The following ADGRE3 variants were observed in gnomAD, a reference collection of about 807,000 sequenced individuals.
ADGRE3 encodes EGF-like module receptor 3.
ADGRE3 carries 88 observed loss-of-function variants against 80.1 expected under a neutral mutation model. The ratio of observed to expected loss-of-function variants is 1.10; its 90% CI spans 0.93 to 1.31. The LOEUF is 1.31. Ranked by LOEUF, ADGRE3 falls within the 40% of genes most tolerant of loss-of-function variation. The pLI, the probability that ADGRE3 is intolerant of heterozygous loss-of-function variation, is 0.00. For missense variants in ADGRE3, 715 were observed against 776.5 expected (o/e 0.92, Z 0.94); for synonymous variants, 281 against 294.8 (o/e 0.95, Z 0.48).
At chr19:14,660,266 A>T (rs2146890440) in intron 4 of ADGRE3, among the ~76,000 whole-genome samples, 1 of 152,338 alleles carries the variant, frequency 6.6e-6, no homozygotes, top group South Asian at 2.1e-4. Flanking sequence ...AGAGATTAAC[A>T]TCAGAACCCA....
At chr19:14,660,007 C>T (rs933747012) in intron 4 of ADGRE3, among the ~76,000 whole-genome samples, 3 of 151,958 alleles carry the variant, frequency 2.0e-5, no homozygotes, top group Non-Finnish European at 4.4e-5. Context: ...AGTTCAAGAA[C>T]TTTGACTTAC....
rs1245561922 is a variant in ADGRE3 at position 14,663,446 on chromosome 19, T to G, written c.171A>C (p.Leu57=). The G allele has an allele frequency of 6.2e-7, 1 of 1,610,282 alleles. No homozygotes were observed. Among genetic ancestry groups the G allele is most frequent in the African/African-American group, 1.3e-5 (1 of 74,970 alleles). The part of the protein sequence containing the change: ...HGYTSGSGQK[L]FTFPLETCND... Reference sequence around the variant, plus strand: ...TACATGTCTCCAAGGGGAATGTGAATAGTTTCTGCCCAGATCCAGAAGTAT... The same window carrying G: ...TACATGTCTCCAAGGGGAATGTGAAGAGTTTCTGCCCAGATCCAGAAGTAT... Residue 57 remains leucine, a synonymous_variant, in exon 3 of 16, where the codon CTA becomes CTC. Transcript: ENST00000253673.
At chr19:14,641,685 G>T (rs1971255655) in intron 9 of ADGRE3, 69 bp from the exon 10 acceptor site, 1 of 1,566,854 alleles carries the variant, frequency 6.4e-7, no homozygotes, top group Admixed American at 1.9e-5. Flanking sequence ...TCCTTGAACT[G>T]GGGCATCCTA....
At chr19:14,603,999 C>A in the ADGRE3 span, among the ~76,000 whole-genome samples, 40,859 of 152,016 alleles carry the variant, frequency 0.27, 5,707 homozygotes, top group South Asian at 0.31. Context: ...CCTGAGGCAT[C>A]CCACTCTTCC....
Position 14,651,065 on chromosome 19 carries a change from A to G in ADGRE3, c.697+20T>C, listed in dbSNP as rs2146867859. 2 of 1,613,790 alleles carry G rather than the reference A, an allele frequency of 1.2e-6. No individual in the cohort carries two copies. The highest frequency in any genetic ancestry group is 2.2e-5 in the South Asian group (2 of 91,028). On this transcript the variant is annotated intron_variant, in intron 7 of 15. Transcript: ENST00000253673. Reference sequence around the variant, plus strand: ...ACATGGCTCTGTGTGAAGGATTCTGAATGCAGCCATCAGGCATACCTTGTG... The same window carrying G: ...ACATGGCTCTGTGTGAAGGATTCTGGATGCAGCCATCAGGCATACCTTGTG...
At position 14,636,145 on chromosome 19, in the gene ADGRE3, T is replaced by TCTTTCTTC. The variant is rs1971070616; in HGVS notation, c.1484+1952_1484+1959dup. Among the ~76,000 whole-genome samples, 21 of 22,290 alleles carry TCTTTCTTC rather than the reference T, an allele frequency of 9.4e-4. 2 individuals carry two copies. The highest frequency in any genetic ancestry group is 2.3e-3 in the African/African-American group (19 of 8,212). The allele number at this position is 22,290 out of a possible 152,430, so 14.6% of individuals were successfully genotyped here. On this transcript the variant is annotated intron_variant, in intron 11 of 15. Coordinates refer to ENST00000253673, the MANE Select transcript of ADGRE3 (RefSeq NM_032571.5). ...TTCTTTCTTTCTTTCTTTCTTTCTT[T>TCTTTCTTC]CTTTCTTCCTTTCCTCCTTTCCTTT...
intron 1 of ADGRE3, among the ~76,000 whole-genome samples, chr19:14,671,382 C>T (rs535307713): frequency 7.0e-4 from 107 of 152,190 alleles, no homozygotes; most frequent in African/African-American, 2.0e-3. Context: ...TCTTGGCTCA[C>T]GGACCCTTCC....
intron 9 of ADGRE3, among the ~76,000 whole-genome samples, 180 bp from the exon 10 acceptor site, chr19:14,641,796 C>T (rs8102999): frequency 0.74 from 113,206 of 152,086 alleles, 42,368 homozygotes; most frequent in East Asian, 0.83. Flanking sequence ...AGATGGCTAA[C>T]GTAGATTGTT....
intron 10 of ADGRE3, among the ~76,000 whole-genome samples, chr19:14,639,886 T>A (rs1252294651): frequency 6.6e-6 from 1 of 152,200 alleles, no homozygotes; most frequent in Non-Finnish European, 1.5e-5. Flanking sequence ...ATAGAATATA[T>A]TGTTATTGAC....
intron 7 of ADGRE3, among the ~76,000 whole-genome samples, chr19:14,650,224 ATC>A (rs1971550725): frequency 8.1e-6 from 1 of 123,478 alleles, no homozygotes; most frequent in African/African-American, 3.2e-5. Context: ...CTCTGTCCCC[ATC>A]TCTCTCTTTC....
chr19:14,635,405 T>C (rs1422337018), intron 11 of ADGRE3, among the ~76,000 whole-genome samples: 1 of 151,134 alleles, frequency 6.6e-6, no homozygotes, highest in African/African-American at 2.4e-5. Context: ...ATGCCTGGTC[T>C]TCCATTTTTT....
chr19:14,649,182 ACCTCTCTCCC>A (rs1971507258), intron 7 of ADGRE3, among the ~76,000 whole-genome samples: 1 of 72,996 alleles, frequency 1.4e-5, no homozygotes. Flanking sequence ...CTCTCTTTCC[ACCTCTCTCCC>A]TCTCTCTCTT....
intron 3 of ADGRE3, 144 bp from the exon 4 acceptor site, chr19:14,662,262 T>C: frequency 1.4e-6 from 1 of 723,918 alleles, no homozygotes; most frequent in Non-Finnish European, 2.2e-6. Context: ...ATCTTGGTTT[T>C]TCGCTTTCTT....
intron 2 of ADGRE3, 89 bp downstream of exon 2, chr19:14,668,713 G>A (rs757148866): frequency 9.8e-7 from 1 of 1,025,052 alleles, no homozygotes; most frequent in Middle Eastern, 2.9e-4. Flanking sequence ...CTCAGAACAG[G>A]CACTTTTCTC....
At chr19:14,618,846 C>CAAAAAAAAAA (rs771965258), downstream of ADGRE3, among the ~76,000 whole-genome samples, 44 of 61,938 alleles carry the variant, frequency 7.1e-4, 1 homozygote, top group South Asian at 1.7e-3. Context: ...AACTCCATCT[C>CAAAAAAAAAA]AAAAAAAAAA....
At chr19:14,641,326 A>C in intron 10 of ADGRE3, 93 bp downstream of exon 10, 1 of 1,496,676 alleles carries the variant, frequency 6.7e-7, no homozygotes, top group South Asian at 1.1e-5. Context: ...TACAGACCCA[A>C]GGACATTTTA....
chr19:14,668,529 C>T (rs143428344), intron 2 of ADGRE3: 4 of 483,508 alleles, frequency 8.3e-6, no homozygotes, highest in African/African-American at 4.0e-5. Context: ...CTTCATGAGA[C>T]TTTGTGTGTT....
chr19:14,667,345 T>G (rs75932318), intron 2 of ADGRE3, among the ~76,000 whole-genome samples: 1 of 126,842 alleles, frequency 7.9e-6, no homozygotes, highest in Non-Finnish European at 1.7e-5. Context: ...TTCTTTTCTG[T>G]TTTTTTTTTT....
downstream of ADGRE3, among the ~76,000 whole-genome samples, chr19:14,615,238 C>T (rs1455480641): frequency 2.6e-5 from 3 of 113,860 alleles, no homozygotes; most frequent in African/African-American, 1.0e-4. Context: ...GATGGAGTCT[C>T]ACTCTGTTGC....
Sources: allele counts gnomAD v4.1 joint callset (sites outside exome capture counted in the v4.1 genomes callset), GRCh38; gene constraint gnomAD v4.1.1; transcripts MANE v1.5; gene names NCBI Gene and HGNC (gene_info 2026-07-23, HGNC 2026-07-21).